The following ANGPTL2 variants were observed in gnomAD, a reference collection of about 807,000 sequenced individuals.
ANGPTL2 encodes the protein angiopoietin-related protein 2.
Under a neutral mutation model 52.8 loss-of-function variants are expected in ANGPTL2, and 25 were observed. That is an observed-to-expected ratio of 0.47 (90% confidence interval 0.35 to 0.66). The LOEUF is 0.66. Ranked by LOEUF, ANGPTL2 falls within the 30% of genes least tolerant of loss-of-function variation. ANGPTL2 has a pLI of 0.01. For missense variants in ANGPTL2, 546 were observed against 656.9 expected, an observed-to-expected ratio of 0.83 and a Z score of 1.84; for synonymous variants, 276 against 277.4, an observed-to-expected ratio of 1.00 and a Z score of 0.05.
chr9:127,100,242 A>G (rs2136776787), intron 2 of ANGPTL2, among the ~76,000 whole-genome samples: 1 of 152,340 alleles, frequency 6.6e-6, no homozygotes, highest in African/African-American at 2.4e-5. Context: ...TCCTTTCAAA[A>G]TTGTTCCAGT....
At chr9:127,092,007 C>A in intron 3 of ANGPTL2, 67 bp from the exon 4 acceptor site, 1 of 1,574,166 alleles carries the variant, frequency 6.4e-7, no homozygotes, top group South Asian at 1.2e-5. Flanking sequence ...GCTTGGCTGT[C>A]AGACACTCAG....
chr9:127,115,753 T>C (rs1323930869), intron 1 of ANGPTL2, among the ~76,000 whole-genome samples: 1 of 152,224 alleles, frequency 6.6e-6, no homozygotes, highest in East Asian at 1.9e-4. Flanking sequence ...CACAAGGGTG[T>C]GTTTTGTTGG....
In ANGPTL2 at chr9:127,088,789, C is replaced by A; in HGVS notation, c.*150G>T. On this transcript the variant is annotated 3_prime_UTR_variant, in exon 5 of 5. Transcript: ENST00000373425. ...CACCGTATCGATTCAGTTCCATCATCCGCTGCAGTGACTTCGGAAAACAGA... is the reference window on the plus strand; with the variant it reads ...CACCGTATCGATTCAGTTCCATCATACGCTGCAGTGACTTCGGAAAACAGA... 1.2e-6 allele frequency: 1 copy of A among 848,916 alleles called. No individual in the cohort carries two copies. The highest frequency in any genetic ancestry group is 1.7e-5 in the South Asian group (1 of 59,308). 52.6% of individuals were successfully genotyped at this position (848,916 alleles called of 1,614,324 possible).
chr9:127,120,094 C>T (rs1191726855), intron 1 of ANGPTL2, among the ~76,000 whole-genome samples: 2 of 152,214 alleles, frequency 1.3e-5, no homozygotes, highest in Non-Finnish European at 2.9e-5. Flanking sequence ...GACATGGCCA[C>T]CATAGTGCCA....
chr9:127,100,641 C>T (rs2053627700), intron 2 of ANGPTL2, among the ~76,000 whole-genome samples: 1 of 152,072 alleles, frequency 6.6e-6, no homozygotes, highest in Non-Finnish European at 1.5e-5. Context: ...GGGCAGTGCC[C>T]CAGGGTTCCA....
At chr9:127,121,063 C>T (rs2056030378) in intron 1 of ANGPTL2, among the ~76,000 whole-genome samples, 2 of 152,172 alleles carry the variant, frequency 1.3e-5, no homozygotes, top group South Asian at 4.1e-4. Flanking sequence ...CTGGCACTTA[C>T]TAGCCATGTA....
In ANGPTL2 at chr9:127,088,944, G is replaced by A. The variant is rs2052103796; in HGVS notation, c.1477C>T (p.His493Tyr). The change falls in exon 5 of 5, where the codon CAC becomes TAC. Residue 493 changes from histidine (H) to tyrosine (Y), a missense_variant. By Grantham distance (83) the His-to-Tyr change is moderately conservative. This residue lies in a region of ANGPTL2 where 261 missense variants were observed against 361.0 expected (regional missense o/e 0.72). Coordinates refer to ENST00000373425, the MANE Select transcript of ANGPTL2 (RefSeq NM_012098.3). ...GGTCAGGAGGGGGAGCTGGCTTAGT[G>A]GAAGGTGTTGGGGTTCGGTCGGATC... is the stretch of plus-strand genomic sequence containing the variant. Reference protein sequence around the residue: ...MMIRPNPNTFH With the variant: ...MMIRPNPNTFY The A allele has an allele frequency of 1.9e-6, 3 of 1,614,214 alleles. No individual in the cohort carries two copies. The highest frequency in any genetic ancestry group is 2.5e-6 in the Non-Finnish European group (3 of 1,180,044).
intron 1 of ANGPTL2, among the ~76,000 whole-genome samples, chr9:127,112,722 GAAT>G (rs1177251022): frequency 6.6e-6 from 1 of 152,220 alleles, no homozygotes; most frequent in Non-Finnish European, 1.5e-5. Flanking sequence ...CGGGAGATTG[GAAT>G]AATGTGTTAG....
chr9:127,119,133 C>T (rs997212099), intron 1 of ANGPTL2, among the ~76,000 whole-genome samples: 1 of 152,172 alleles, frequency 6.6e-6, no homozygotes, highest in Non-Finnish European at 1.5e-5. Context: ...GCACGTGGAA[C>T]AAGTCAGCCA....
intron 1 of ANGPTL2, among the ~76,000 whole-genome samples, chr9:127,120,434 C>T (rs895742919): frequency 2.6e-5 from 4 of 152,220 alleles, no homozygotes; most frequent in African/African-American, 9.6e-5. Flanking sequence ...TCCTGGAAAG[C>T]CCTCCAGTGT....
intron 3 of ANGPTL2, 88 bp downstream of exon 3, chr9:127,093,645 A>G: frequency 6.7e-7 from 1 of 1,487,272 alleles, no homozygotes. Context: ...TGTACCTCTG[A>G]GTGGGCTCTT....
intron 1 of ANGPTL2, among the ~76,000 whole-genome samples, chr9:127,112,713 G>A (rs1009979973): frequency 1.3e-5 from 2 of 152,208 alleles, no homozygotes; most frequent in Non-Finnish European, 2.9e-5. Context: ...CATCAGAAGC[G>A]GGAGATTGGA....
At chr9:127,106,342 G>A (rs866143639) in intron 2 of ANGPTL2, among the ~76,000 whole-genome samples, 20 of 152,272 alleles carry the variant, frequency 1.3e-4, no homozygotes, top group African/African-American at 4.3e-4. Flanking sequence ...AAGCAGACAC[G>A]TGTACAGATG....
intron 1 of ANGPTL2, among the ~76,000 whole-genome samples, chr9:127,120,727 C>G (rs2055974546): frequency 6.6e-6 from 1 of 151,924 alleles, no homozygotes; most frequent in Admixed American, 6.6e-5. Context: ...ACTCGGGAGG[C>G]TGAGGCAGGA....
chr9:127,106,491 A>G (rs1312719753), intron 2 of ANGPTL2, among the ~76,000 whole-genome samples: 1 of 152,252 alleles, frequency 6.6e-6, no homozygotes, highest in Non-Finnish European at 1.5e-5. Flanking sequence ...TTCGTTTCCT[A>G]AAGTGACAGG....
intron 2 of ANGPTL2, among the ~76,000 whole-genome samples, chr9:127,095,673 G>A (rs2053050900): frequency 6.6e-6 from 1 of 152,166 alleles, no homozygotes; most frequent in African/African-American, 2.4e-5. Flanking sequence ...GTGAGTTGAA[G>A]GGAGGTGCCC....
At chr9:127,099,069 G>C (rs539955172) in intron 2 of ANGPTL2, among the ~76,000 whole-genome samples, 2 of 152,192 alleles carry the variant, frequency 1.3e-5, no homozygotes, top group African/African-American at 2.4e-5. Context: ...CCTGAGGTGT[G>C]GGGGGAGGAG....
At chr9:127,101,819 C>T (rs980389932) in intron 2 of ANGPTL2, among the ~76,000 whole-genome samples, 3 of 152,094 alleles carry the variant, frequency 2.0e-5, no homozygotes, top group Admixed American at 6.6e-5. Flanking sequence ...GCATTTATAA[C>T]GTAAACAAAT....
At chr9:127,099,502 C>G (rs929852268) in intron 2 of ANGPTL2, among the ~76,000 whole-genome samples, 1 of 152,160 alleles carries the variant, frequency 6.6e-6, no homozygotes, top group Non-Finnish European at 1.5e-5. Context: ...ACGTGGCCTG[C>G]TTAGGTGAGA....
Sources: allele counts gnomAD v4.1 joint callset (sites outside exome capture counted in the v4.1 genomes callset), GRCh38; gene constraint gnomAD v4.1.1; regional missense constraint gnomAD v4.1.1; transcripts MANE v1.5; gene names NCBI Gene and HGNC (gene_info 2026-07-23, HGNC 2026-07-21).